The following CCND3 variants were observed in gnomAD, a reference collection of about 807,000 sequenced individuals.
CCND3 encodes the protein G1/S-specific cyclin-D3.
A neutral mutation model predicts 28.7 loss-of-function variants in CCND3; 9 were observed. That is an observed-to-expected ratio of 0.31 (90% CI 0.19 to 0.55). The LOEUF is 0.55. Ranked by LOEUF, CCND3 falls within the 20% of genes least tolerant of loss-of-function variation. The probability of loss-of-function intolerance (pLI) is 0.93; values close to 1 mark genes in which losing one functional copy is unlikely to be tolerated. For missense variants in CCND3, 315 were observed against 385.8 expected, an observed-to-expected ratio of 0.82 and a Z score of 1.54; for synonymous variants, 164 against 163.9, an observed-to-expected ratio of 1.00 and a Z score of 0.00.
intron 1 of CCND3, among the ~76,000 whole-genome samples, chr6:41,967,466 T>C (rs1046454087): frequency 5.9e-5 from 9 of 152,212 alleles, no homozygotes; most frequent in Non-Finnish European, 1.5e-5. Context: ...TCTTCATCTA[T>C]AAAAGGAGCT....
rs185310364 is a variant in CCND3, at chr6:41,993,091, C to T, written c.-45-52506G>A. ...CTGGCTTAAAAATGTTTTGTAGAGA[C>T]AGGGTCTTGATGTGTTGCTTAAAAT... On this transcript the variant is annotated intron_variant, in intron 1 of 4. Transcript: ENST00000372988. Among the ~76,000 whole-genome samples the T allele has an allele frequency of 9.2e-5, 14 of 152,186 alleles. No individual in the cohort carries two copies. In the East Asian group the frequency reaches 2.7e-3, roughly 29 times the overall value.
intron 1 of CCND3, among the ~76,000 whole-genome samples, chr6:42,044,265 G>C (rs1014528143): frequency 5.9e-5 from 9 of 152,206 alleles, no homozygotes; most frequent in African/African-American, 2.2e-4. Flanking sequence ...TCTGGGCCCC[G>C]GTGTGTAAAC....
intron 1 of CCND3, among the ~76,000 whole-genome samples, chr6:41,964,475 AGT>A (rs373253252): frequency 2.8e-5 from 3 of 108,056 alleles, no homozygotes; most frequent in Non-Finnish European, 5.6e-5. Context: ...TGTGTGTGTG[AGT>A]GTGTGTGAAT....
At chr6:42,025,404 C>A (rs970552427) in intron 1 of CCND3, among the ~76,000 whole-genome samples, 1 of 152,204 alleles carries the variant, frequency 6.6e-6, no homozygotes, top group Admixed American at 6.5e-5. Context: ...GAACTAGGGC[C>A]ACGGGTAATG....
intron 1 of CCND3, among the ~76,000 whole-genome samples, chr6:42,023,053 C>T (rs72664260): frequency 0.21 from 32,105 of 152,122 alleles, 3,583 homozygotes; most frequent in Middle Eastern, 0.31. Flanking sequence ...TTTGTGACCC[C>T]GAAATCAATA....
At chr6:42,009,475 G>A (rs944685339) in intron 1 of CCND3, among the ~76,000 whole-genome samples, 2 of 152,174 alleles carry the variant, frequency 1.3e-5, no homozygotes. Context: ...AGCCAGGTGT[G>A]GTGGCGGATG....
chr6:42,026,431 G>A (rs1763878575), intron 1 of CCND3, among the ~76,000 whole-genome samples: 1 of 152,128 alleles, frequency 6.6e-6, no homozygotes, highest in Admixed American at 6.5e-5. Flanking sequence ...TTGACCAGAG[G>A]GGAGGGAGTC....
At chr6:41,977,647 G>A (rs948994938) in intron 1 of CCND3, among the ~76,000 whole-genome samples, 7 of 152,166 alleles carry the variant, frequency 4.6e-5, no homozygotes, top group South Asian at 4.2e-4. Context: ...GATTACAGGC[G>A]CGAACCACCA....
chr6:41,973,085 C>T (rs1216004781), intron 1 of CCND3, among the ~76,000 whole-genome samples: 2 of 152,012 alleles, frequency 1.3e-5, no homozygotes, highest in Non-Finnish European at 2.9e-5. Flanking sequence ...GTAGAGAACA[C>T]TAAAATATCC....
chr6:41,982,240 C>G lies in CCND3; in HGVS notation c.-45-41655G>C, dbSNP rs189402339. Reference sequence around the variant, plus strand: ...AGCAGAGATTGTGCCATTGTACTTACTCCAGCCTGGGCAACAGAGTGAGAC... The same window carrying G: ...AGCAGAGATTGTGCCATTGTACTTAGTCCAGCCTGGGCAACAGAGTGAGAC... On this transcript the variant is annotated intron_variant, in intron 1 of 4. Transcript: ENST00000372988. Among the ~76,000 whole-genome samples the G allele has an allele frequency of 1.5e-4, 22 of 146,562 alleles. No individual in the cohort carries two copies. In the East Asian group the frequency reaches 4.3e-3, roughly 29 times the overall value.
intron 1 of CCND3, among the ~76,000 whole-genome samples, chr6:42,044,945 C>T (rs984832073): frequency 1.4e-5 from 2 of 146,306 alleles, no homozygotes; most frequent in East Asian, 4.0e-4. Context: ...CGTGCGACCA[C>T]GCCCGGCTAA....
chr6:41,988,642 G>C (rs910400496), intron 1 of CCND3, among the ~76,000 whole-genome samples: 1 of 151,366 alleles, frequency 6.6e-6, no homozygotes, highest in Non-Finnish European at 1.5e-5. Context: ...TGGCTTTTTA[G>C]ATATAATGCC....
chr6:41,990,335 T>A (rs1170657407), intron 1 of CCND3, among the ~76,000 whole-genome samples: 2 of 152,110 alleles, frequency 1.3e-5, no homozygotes, highest in Non-Finnish European at 2.9e-5. Flanking sequence ...TGTTCATGGA[T>A]TGGAAGAATT....
At chr6:41,955,630 G>A (rs1038247267) in intron 1 of CCND3, among the ~76,000 whole-genome samples, 10 of 147,756 alleles carry the variant, frequency 6.8e-5, no homozygotes, top group South Asian at 4.4e-4. Flanking sequence ...CAGGCAAGCC[G>A]GCATGGTGAC....
intron 1 of CCND3, among the ~76,000 whole-genome samples, chr6:42,002,588 C>A (rs1763043026): frequency 6.6e-6 from 1 of 152,164 alleles, no homozygotes; most frequent in Admixed American, 6.6e-5. Context: ...CGTGGTGGCT[C>A]ACGCCTGTAA....
chr6:41,935,923 A>C lies in CCND3; in HGVS notation c.*17T>G. The C allele has an allele frequency of 6.2e-7, 1 of 1,600,242 alleles. No individual in the cohort carries two copies. The highest frequency in any genetic ancestry group is 8.5e-7 in the Non-Finnish European group (1 of 1,173,668). ...CCCTCCTCTGCTTAGTGGCCACTCC[A>C]GAGGGCCTCTCCAGGGCTACAGGTG... On this transcript the variant is annotated 3_prime_UTR_variant, in exon 5 of 5. Transcript: ENST00000372991.
chr6:42,009,794 G>A (rs773905708), intron 1 of CCND3, among the ~76,000 whole-genome samples: 8 of 152,114 alleles, frequency 5.3e-5, no homozygotes, highest in East Asian at 1.9e-4. Context: ...GTGATAGAGC[G>A]AGACCCTGTC....
rs70987558 is a variant in CCND3, at chr6:41,993,410, CTTTTTTTTTTTT to C, written c.-45-52837_-45-52826del. Among the ~76,000 whole-genome samples, 4 of 101,682 alleles carry C rather than the reference CTTTTTTTTTTTT, an allele frequency of 3.9e-5. No homozygotes were observed. The South Asian group carries it at 1.3e-3, about 32-fold the overall frequency. The allele number at this position is 101,682 out of a possible 152,430, so 66.7% of individuals were successfully genotyped here. On this transcript the variant is annotated intron_variant, in intron 1 of 4. Coordinates refer to the CCND3 transcript ENST00000372988. Reference sequence around the variant, plus strand: ...AATATATTTGTTAAGCTCATGTCTTCTTTTTTTTTTTTTTTTTTTGAGATGGAGTCTTGCTCT... The same window carrying C: ...AATATATTTGTTAAGCTCATGTCTTCTTTTTTTGAGATGGAGTCTTGCTCT...
At chr6:41,951,598 T>C (rs1340063347) in intron 1 of CCND3, among the ~76,000 whole-genome samples, 5 of 114,606 alleles carry the variant, frequency 4.4e-5, no homozygotes, top group African/African-American at 1.3e-4. Flanking sequence ...TAAGTGGGAG[T>C]AAGAAGAGAG....
Sources: gnomAD v4.1 joint callset for allele counts (sites outside exome capture counted in the v4.1 genomes callset) on GRCh38, gnomAD v4.1.1 for gene constraint, MANE v1.5 for transcripts, NCBI Gene and HGNC (gene_info 2026-07-23, HGNC 2026-07-21) for gene names.